The following ROBO2 variants were observed in gnomAD, a reference collection of about 807,000 sequenced individuals.
ROBO2 encodes the protein roundabout guidance receptor 2, also known as roundabout homolog 2.
In ROBO2, 53 loss-of-function variants were observed where a neutral mutation model predicts 160.8. That is an observed-to-expected ratio of 0.33 (90% confidence interval 0.26 to 0.41). The LOEUF is 0.41. Ranked by LOEUF, ROBO2 falls within the 10% of genes least tolerant of loss-of-function variation. The pLI, the probability that ROBO2 is intolerant of heterozygous loss-of-function variation, is 1.00. For missense variants in ROBO2, 1,577 were observed against 1,722.4 expected (o/e 0.92, Z 1.49); for synonymous variants, 664 against 611.7 (o/e 1.09, Z -1.26).
intron 2 of ROBO2, chr3:75,964,885 A>T (rs2107308197): frequency 6.6e-6 from 1 of 151,824 alleles, no homozygotes; most frequent in East Asian, 2.0e-4. Flanking sequence ...CATGACAAAT[A>T]TTCCTAAGTA....
intron 1 of ROBO2, among the ~76,000 whole-genome samples, chr3:77,093,873 AATG>A (rs1478175427): frequency 1.3e-5 from 2 of 152,104 alleles, no homozygotes; most frequent in Non-Finnish European, 2.9e-5. Context: ...TAAGATTATA[AATG>A]AAGAAAACAG....
chr3:76,586,818 A>G (rs539712829), intron 2 of ROBO2, among the ~76,000 whole-genome samples: 44 of 152,348 alleles, frequency 2.9e-4, no homozygotes, highest in Middle Eastern at 6.8e-3. Flanking sequence ...AGGAGTACTG[A>G]TCACATATGC....
chr3:76,605,314 G>A (rs932237667), intron 2 of ROBO2, among the ~76,000 whole-genome samples: 2 of 151,858 alleles, frequency 1.3e-5, no homozygotes, highest in Non-Finnish European at 2.9e-5. Flanking sequence ...AATTCTTAGA[G>A]CACAACTCTC....
rs545478885 is a variant in ROBO2, at chr3:77,240,371, C to T, written c.388+142031C>T. ...TGCCCGGAGCCGTCAGTGCCAGTCG[C>T]CCGCTCCGAGTGGGCCCGCCGAGCC... On this transcript the variant is annotated intron_variant, in intron 2 of 25. Coordinates refer to ENST00000461745, the Ensembl canonical transcript of ROBO2. 8.5e-5 allele frequency among the ~76,000 whole-genome samples: 13 copies of T among 152,288 alleles called. No homozygotes were observed. In the East Asian group the frequency reaches 1.7e-3, roughly 20 times the overall value.
chr3:76,912,455 G>C (rs2076050171), intron 2 of ROBO2, among the ~76,000 whole-genome samples: 1 of 152,062 alleles, frequency 6.6e-6, no homozygotes, highest in African/African-American at 2.4e-5. Context: ...TGTCCATCAA[G>C]GAACATAAGT....
chr3:77,486,746 A>T (rs987785749), intron 4 of ROBO2, among the ~76,000 whole-genome samples: 1 of 151,936 alleles, frequency 6.6e-6, no homozygotes, highest in African/African-American at 2.4e-5. Flanking sequence ...CTTTTGCTGT[A>T]TCACAGAATT....
intron 2 of ROBO2, among the ~76,000 whole-genome samples, chr3:76,466,587 A>T (rs1425881582): frequency 6.6e-6 from 1 of 152,010 alleles, no homozygotes; most frequent in African/African-American, 2.4e-5. Flanking sequence ...GATAATCAAT[A>T]TTTTTATTTA....
chr3:77,007,207 G>T (rs1465591748), intron 2 of ROBO2, among the ~76,000 whole-genome samples: 1 of 152,036 alleles, frequency 6.6e-6, no homozygotes, highest in Non-Finnish European at 1.5e-5. Context: ...TTTGTTAAAA[G>T]CTTTGATTTA....
intron 2 of ROBO2, among the ~76,000 whole-genome samples, chr3:76,912,958 A>G (rs75845003): frequency 0.061 from 9,323 of 152,202 alleles, 379 homozygotes; most frequent in Non-Finnish European, 0.089. Context: ...GGAGTTTAAA[A>G]AAAAAAATAG....
In ROBO2 at chr3:76,291,892, AT is replaced by A. The variant is rs146450239; in HGVS notation, c.109+354300del. Among the ~76,000 whole-genome samples the A allele has an allele frequency of 1.5e-4, 23 of 148,880 alleles. No homozygotes were observed. In the South Asian group the frequency reaches 1.7e-3, roughly 11 times the overall value. ...GTTGTCCAAGGGTGTAGTTGATATG[AT>A]TTTTTTTTTCAATTTGTTGAGAATT... is the stretch of plus-strand genomic sequence containing the variant. On this transcript the variant is annotated intron_variant, in intron 2 of 26. Coordinates refer to the ROBO2 transcript ENST00000487694.
intron 2 of ROBO2, among the ~76,000 whole-genome samples, chr3:77,165,301 T>C (rs1356040147): frequency 1.3e-5 from 2 of 148,624 alleles, no homozygotes. Context: ...CTGTGTCCAC[T>C]CAGGGTTAAA....
chr3:76,179,575 A>G (rs1019360315), intron 2 of ROBO2, among the ~76,000 whole-genome samples: 2 of 152,036 alleles, frequency 1.3e-5, no homozygotes, highest in African/African-American at 4.8e-5. Context: ...ATACATCACC[A>G]TCTTCTGTTC....
chr3:77,266,056 C>A (rs2059101885), intron 2 of ROBO2, among the ~76,000 whole-genome samples: 1 of 152,066 alleles, frequency 6.6e-6, no homozygotes, highest in Admixed American at 6.6e-5. Context: ...AAAAGATTAC[C>A]TAACCCAGTC....
At chr3:76,213,043 A>G (rs1399097424) in intron 2 of ROBO2, among the ~76,000 whole-genome samples, 1 of 152,186 alleles carries the variant, frequency 6.6e-6, no homozygotes, top group Non-Finnish European at 1.5e-5. Flanking sequence ...CAAGGTAGGA[A>G]CGCATATACT....
chr3:76,517,458 C>T (rs1033664451), intron 2 of ROBO2, among the ~76,000 whole-genome samples: 5 of 152,184 alleles, frequency 3.3e-5, no homozygotes, highest in Non-Finnish European at 1.5e-5. Context: ...TCTTCCAGAT[C>T]AGAAAAGCTT....
chr3:77,627,797 A>G (rs975668823), intron 23 of ROBO2, among the ~76,000 whole-genome samples: 8 of 152,232 alleles, frequency 5.3e-5, no homozygotes, highest in Admixed American at 2.0e-4. Flanking sequence ...GAAAAAATGG[A>G]GAATGGCTAG....
chr3:76,469,280 G>T (rs760404695), intron 2 of ROBO2, among the ~76,000 whole-genome samples: 1 of 151,896 alleles, frequency 6.6e-6, no homozygotes, highest in Non-Finnish European at 1.5e-5. Context: ...TTGACTTATT[G>T]ACTACTTAGC....
intron 2 of ROBO2, among the ~76,000 whole-genome samples, chr3:77,028,231 A>G (rs571046650): frequency 5.3e-5 from 8 of 152,238 alleles, no homozygotes; most frequent in South Asian, 2.1e-4. Flanking sequence ...TTAACATTCA[A>G]TGAGTCCACA....
intron 2 of ROBO2, among the ~76,000 whole-genome samples, chr3:76,599,460 T>G (rs2086966231): frequency 6.6e-6 from 1 of 152,152 alleles, no homozygotes; most frequent in Non-Finnish European, 1.5e-5. Flanking sequence ...ACATTTTCTT[T>G]TATGTTGATT....
Sources: gnomAD v4.1 joint callset for allele counts (sites outside exome capture counted in the v4.1 genomes callset) on GRCh38, gnomAD v4.1.1 for gene constraint, MANE v1.5 for transcripts, NCBI Gene and HGNC (gene_info 2026-07-23, HGNC 2026-07-21) for gene names.